The following IL36B variants were observed in gnomAD, a reference collection of about 807,000 sequenced individuals.
The protein encoded by IL36B is interleukin 36 beta.
In IL36B, 23 loss-of-function variants were observed where a neutral mutation model predicts 19.3. The observed-to-expected ratio is 1.19, with a 90% CI of 0.86 to 1.69. The LOEUF is 1.69. IL36B is among the 40% of genes most tolerant of loss of function. IL36B has a pLI of 0.00. For synonymous variants in IL36B, 59 were observed against 59.7 expected (o/e 0.99, Z 0.05); for missense variants, 217 against 200.5 (o/e 1.08, Z -0.50).
intron 3 of IL36B, 147 bp from the exon 4 acceptor site, chr2:113,029,225 T>C (rs918683910): frequency 9.3e-6 from 7 of 752,944 alleles, no homozygotes; most frequent in Non-Finnish European, 1.4e-5. Flanking sequence ...CCTATTTTGT[T>C]TTTCGTCCTT....
At chr2:113,033,933 G>C (rs1685123570) in intron 1 of IL36B, among the ~76,000 whole-genome samples, 3 of 152,130 alleles carry the variant, frequency 2.0e-5, no homozygotes, top group Admixed American at 6.5e-5. Context: ...CACTCTTTGT[G>C]GTTCTGCTCT....
chr2:113,047,786 G>A (rs769412339), intron 1 of IL36B, among the ~76,000 whole-genome samples: 18 of 152,026 alleles, frequency 1.2e-4, no homozygotes, highest in African/African-American at 3.9e-4. Context: ...TAGACTTAAA[G>A]TGGTATAAAA....
chr2:113,043,279 T>A (rs1685293001), intron 1 of IL36B, among the ~76,000 whole-genome samples: 1 of 152,192 alleles, frequency 6.6e-6, no homozygotes, highest in Non-Finnish European at 1.5e-5. Flanking sequence ...AAATTTTTGT[T>A]TTTAATAAAG....
intron 3 of IL36B, among the ~76,000 whole-genome samples, chr2:113,029,572 C>T (rs1350808410): frequency 2.6e-5 from 4 of 152,092 alleles, no homozygotes; most frequent in East Asian, 1.9e-4. Context: ...CCTGTATTTC[C>T]GGCTCGAGGA....
At chr2:113,045,473 G>A (rs865918874) in intron 1 of IL36B, among the ~76,000 whole-genome samples, 25 of 151,938 alleles carry the variant, frequency 1.6e-4, no homozygotes, top group African/African-American at 4.6e-4. Flanking sequence ...TCATGTGCAC[G>A]GGGTCATCAA....
At chr2:113,028,831 A>T in intron 4 of IL36B, 108 bp downstream of exon 4, 6 of 1,178,272 alleles carry the variant, frequency 5.1e-6, no homozygotes, top group Non-Finnish European at 7.1e-6. Flanking sequence ...ATTTCCTTAC[A>T]TTGAATAGTC....
At position 113,029,123 on chromosome 2, in the gene IL36B, G is replaced by T. The variant is rs749933968; in HGVS notation, c.122-45C>A. 4 of 1,588,322 alleles carry T rather than the reference G, an allele frequency of 2.5e-6. No individual in the cohort carries two copies. In the African/African-American group the frequency reaches 4.0e-5, roughly 16 times the overall value. Reference sequence around the variant, plus strand: ...TGGAGAAGATGTTTCAGTCTTTCTGGTCTGACACTCAGTTACTCCCCCCAG... The same window carrying T: ...TGGAGAAGATGTTTCAGTCTTTCTGTTCTGACACTCAGTTACTCCCCCCAG... On this transcript the variant is annotated intron_variant, in intron 3 of 5. Coordinates refer to ENST00000259213, the MANE Select transcript of IL36B (RefSeq NM_014438.5).
intron 1 of IL36B, among the ~76,000 whole-genome samples, chr2:113,039,405 T>A (rs1475594964): frequency 6.6e-6 from 1 of 152,218 alleles, no homozygotes; most frequent in Non-Finnish European, 1.5e-5. Context: ...AAGTACTGAT[T>A]AACTTTGTGT....
chr2:113,033,412 A>G (rs1293719584), intron 1 of IL36B, among the ~76,000 whole-genome samples: 3 of 151,996 alleles, frequency 2.0e-5, no homozygotes, highest in East Asian at 3.9e-4. Flanking sequence ...TTTGTATTTT[A>G]TATTTCAGTA....
intron 5 of IL36B, among the ~76,000 whole-genome samples, chr2:113,025,682 A>G (rs1056609939): frequency 2.6e-5 from 4 of 152,200 alleles, no homozygotes; most frequent in Admixed American, 1.3e-4. Flanking sequence ...GAGTCCCGTA[A>G]AACAGCTGGA....
chr2:113,028,356 T>C (rs1026298637), intron 4 of IL36B, among the ~76,000 whole-genome samples: 9 of 152,206 alleles, frequency 5.9e-5, no homozygotes, highest in African/African-American at 2.2e-4. Context: ...GAAGCATCAC[T>C]GTCTTCCCTG....
At chr2:113,049,961 A>C (rs1011573052) in intron 1 of IL36B, among the ~76,000 whole-genome samples, 14 of 152,316 alleles carry the variant, frequency 9.2e-5, no homozygotes, top group African/African-American at 3.4e-4. Context: ...GTCTAAAAAA[A>C]AAAAAAAGAA....
At chr2:113,030,922 C>T (rs1482584630) in intron 3 of IL36B, 126 bp downstream of exon 3, 16 of 679,330 alleles carry the variant, frequency 2.4e-5, no homozygotes, top group South Asian at 2.0e-4. Context: ...CTTGACCTTC[C>T]TGTGGCTGTT....
intron 1 of IL36B, among the ~76,000 whole-genome samples, chr2:113,052,280 G>T (rs1167907115): frequency 6.6e-6 from 1 of 152,012 alleles, no homozygotes; most frequent in Non-Finnish European, 1.5e-5. Context: ...AAAGCCTGTT[G>T]GTCCTTTGTG....
At chr2:113,037,286 T>C (rs1685181706) in intron 1 of IL36B, among the ~76,000 whole-genome samples, 1 of 152,220 alleles carries the variant, frequency 6.6e-6, no homozygotes, top group South Asian at 2.1e-4. Flanking sequence ...TGATACTCCT[T>C]TGTGGATTCT....
chr2:113,031,727 T>C lies in IL36B; in HGVS notation c.-18A>G, dbSNP rs1685080280. 6.2e-7 allele frequency: 1 copy of C among 1,605,238 alleles called. No individual in the cohort carries two copies. The highest frequency in any genetic ancestry group is 1.7e-5 in the Admixed American group (1 of 59,980). The stretch of plus-strand genomic sequence containing the variant: ...GGGTTCATGATGTCTTCAGAGCCTT[T>C]TGTGAAGAGAACAAGATAGATCAGA... On this transcript the variant is annotated 5_prime_UTR_variant, in exon 2 of 6. Transcript: ENST00000259213.
chr2:113,028,837 T>C (rs1685012915), intron 4 of IL36B, 102 bp downstream of exon 4: 1 of 1,211,138 alleles, frequency 8.3e-7, no homozygotes, highest in East Asian at 2.4e-5. Flanking sequence ...TTACATTGAA[T>C]AGTCCAGGGT....
chr2:113,042,191 C>T (rs1289485184), intron 1 of IL36B, among the ~76,000 whole-genome samples: 3 of 152,128 alleles, frequency 2.0e-5, no homozygotes, highest in Non-Finnish European at 4.4e-5. Flanking sequence ...CAGAATGGAA[C>T]CTCTATTAGG....
intron 4 of IL36B, 90 bp downstream of exon 4, chr2:113,028,849 G>T: frequency 1.5e-6 from 2 of 1,374,744 alleles, no homozygotes; most frequent in Non-Finnish European, 2.0e-6. Flanking sequence ...GTCCAGGGTT[G>T]CAAGCATATT....
Sources: gnomAD v4.1 joint callset for allele counts (sites outside exome capture counted in the v4.1 genomes callset) on GRCh38, gnomAD v4.1.1 for gene constraint, MANE v1.5 for transcripts, NCBI Gene and HGNC (gene_info 2026-07-23, HGNC 2026-07-21) for gene names.